The following RIMS1 variants were observed in gnomAD, a reference collection of about 807,000 sequenced individuals.
The protein encoded by RIMS1 is regulating synaptic membrane exocytosis 1, also known as regulating synaptic membrane exocytosis protein 1.
A neutral mutation model predicts 214.1 loss-of-function variants in RIMS1; 83 were observed. The observed-to-expected ratio is 0.39, with a 90% CI of 0.32 to 0.47. The LOEUF (loss-of-function observed/expected upper bound fraction) is 0.47. RIMS1 is among the 20% of genes least tolerant of loss of function. The probability of loss-of-function intolerance (pLI) is 0.99; values close to 1 mark genes in which losing one functional copy is unlikely to be tolerated. For missense variants in RIMS1, 2,050 were observed against 2,161.8 expected (o/e 0.95, Z 1.03); for synonymous variants, 793 against 786.8 (o/e 1.01, Z -0.13).
chr6:71,891,367 CCTT>C (rs1769827462), intron 1 of RIMS1, among the ~76,000 whole-genome samples: 2 of 152,220 alleles, frequency 1.3e-5, no homozygotes, highest in South Asian at 4.1e-4. Context: ...TTGGGCTTCT[CCTT>C]CTCTTCTTAA....
At chr6:71,966,528 TA>T (rs1283448441) in intron 1 of RIMS1, among the ~76,000 whole-genome samples, 11 of 152,318 alleles carry the variant, frequency 7.2e-5, no homozygotes, top group African/African-American at 2.2e-4. Context: ...TATTTTGTTT[TA>T]TTTTTTTATT....
At chr6:72,338,771 C>T (rs1411578496) in intron 29 of RIMS1, among the ~76,000 whole-genome samples, 2 of 151,280 alleles carry the variant, frequency 1.3e-5, no homozygotes, top group Non-Finnish European at 1.5e-5. Context: ...GTAATTTGCC[C>T]AAGGTCTCAT....
intron 2 of RIMS1, among the ~76,000 whole-genome samples, chr6:71,984,175 G>A (rs1799237420): frequency 6.6e-6 from 1 of 152,110 alleles, no homozygotes; most frequent in African/African-American, 2.4e-5. Flanking sequence ...TCTCTAATAT[G>A]TTTCTATCAG....
At position 72,250,474 on chromosome 6, in the gene RIMS1, T is replaced by C. The variant is rs1225901879; in HGVS notation, c.2372+14T>C. The C allele has an allele frequency of 6.6e-7, 1 of 1,520,646 alleles. No individual in the cohort carries two copies. Among genetic ancestry groups the C allele is most frequent in the Non-Finnish European group, 8.9e-7 (1 of 1,125,406 alleles). 94.2% of individuals were successfully genotyped at this position (1,520,646 alleles called of 1,614,324 possible). ...TCCAGATAGAAGGTAGTGAATAATTTTAGAAAAAAAAAATCTTAAAATCTG... is the reference window on the plus strand; with the variant it reads ...TCCAGATAGAAGGTAGTGAATAATTCTAGAAAAAAAAAATCTTAAAATCTG... On this transcript the variant is annotated intron_variant, in intron 13 of 33. Coordinates refer to ENST00000521978, the MANE Select transcript of RIMS1 (RefSeq NM_014989.7).
intron 22 of RIMS1, among the ~76,000 whole-genome samples, chr6:72,270,717 C>T (rs749042077): frequency 2.6e-5 from 4 of 152,134 alleles, no homozygotes; most frequent in Non-Finnish European, 4.4e-5. Context: ...CACTGCTTTA[C>T]AAGTTTGTTT....
chr6:71,901,375 A>G (rs979306872), intron 1 of RIMS1, among the ~76,000 whole-genome samples: 5 of 152,192 alleles, frequency 3.3e-5, no homozygotes, highest in Non-Finnish European at 7.4e-5. Flanking sequence ...GTCCATCAGT[A>G]GAATGAATTT....
chr6:71,992,195 C>T (rs189602886), intron 2 of RIMS1, among the ~76,000 whole-genome samples: 37 of 152,234 alleles, frequency 2.4e-4, no homozygotes, highest in Admixed American at 2.1e-3. Flanking sequence ...GGTTCAGAGA[C>T]GTCACATTAG....
intron 28 of RIMS1, among the ~76,000 whole-genome samples, chr6:72,330,807 T>G (rs925032382): frequency 1.3e-5 from 2 of 151,792 alleles, no homozygotes; most frequent in African/African-American, 2.4e-5. Flanking sequence ...ACTGATTAGA[T>G]TCTATGAACT....
At chr6:71,998,753 A>G (rs1004832998) in intron 2 of RIMS1, among the ~76,000 whole-genome samples, 11 of 152,256 alleles carry the variant, frequency 7.2e-5, no homozygotes, top group East Asian at 5.8e-4. Context: ...ACACTTTCAT[A>G]CTTAAAAAAG....
Position 72,010,764 on chromosome 6 carries a change from C to T in RIMS1, c.245+41701C>T, listed in dbSNP as rs537666614. ...GAGAATAAAATACCTAGGAATCCAA[C>T]TTACAAGGGATGTGAAGGACCTCTT... On this transcript the variant is annotated intron_variant, in intron 2 of 33. Coordinates refer to ENST00000521978, the MANE Select transcript of RIMS1 (RefSeq NM_014989.7). Among the ~76,000 whole-genome samples, 463 of 152,242 alleles carry T rather than the reference C, an allele frequency of 3.0e-3. 5 individuals carry two copies. The highest frequency in any genetic ancestry group is 0.01 in the African/African-American group (434 of 41,548).
chr6:71,968,147 GT>G (rs1480005823), intron 1 of RIMS1, among the ~76,000 whole-genome samples: 3 of 152,312 alleles, frequency 2.0e-5, no homozygotes, highest in African/African-American at 7.2e-5. Context: ...TCAAAGCCAT[GT>G]TTATTTTAAA....
intron 4 of RIMS1, among the ~76,000 whole-genome samples, chr6:72,173,142 C>T (rs1310910636): frequency 6.6e-6 from 1 of 152,148 alleles, no homozygotes; most frequent in Non-Finnish European, 1.5e-5. Context: ...TTCCTGAAGA[C>T]TATTGATAGT....
intron 28 of RIMS1, among the ~76,000 whole-genome samples, chr6:72,329,183 C>T (rs1453728894): frequency 6.6e-6 from 1 of 151,880 alleles, no homozygotes; most frequent in Non-Finnish European, 1.5e-5. Context: ...CCTGCTTGGA[C>T]AACACAGCTA....
At chr6:72,090,205 C>G (rs1324768020) in intron 2 of RIMS1, among the ~76,000 whole-genome samples, 1 of 152,068 alleles carries the variant, frequency 6.6e-6, no homozygotes, top group Admixed American at 6.5e-5. Context: ...TTGGGTCTAG[C>G]TTTGTTGCCC....
intron 4 of RIMS1, among the ~76,000 whole-genome samples, chr6:72,112,941 G>T (rs781244589): frequency 2.4e-4 from 37 of 152,144 alleles, no homozygotes; most frequent in Non-Finnish European, 4.0e-4. Context: ...GTAAGTGTTT[G>T]ACTTCTGAGT....
At chr6:72,272,586 C>T (rs6914066) in intron 22 of RIMS1, among the ~76,000 whole-genome samples, 2,302 of 152,244 alleles carry the variant, frequency 0.015, 24 homozygotes, top group South Asian at 0.027. Context: ...CATCTTTCTC[C>T]TCCACAGCTT....
intron 2 of RIMS1, among the ~76,000 whole-genome samples, chr6:72,062,661 T>C (rs1294938782): frequency 2.0e-5 from 3 of 152,082 alleles, no homozygotes; most frequent in Non-Finnish European, 4.4e-5. Flanking sequence ...TACCAAAAAC[T>C]GGGGGGCTTA....
chr6:71,892,063 G>T (rs962743492), intron 1 of RIMS1, among the ~76,000 whole-genome samples: 7 of 152,084 alleles, frequency 4.6e-5, no homozygotes, highest in African/African-American at 1.7e-4. Context: ...TTTTAGAGTT[G>T]GTCCTGAGAG....
At chr6:72,265,729 A>T (rs2080219864) in intron 21 of RIMS1, among the ~76,000 whole-genome samples, 1 of 152,134 alleles carries the variant, frequency 6.6e-6, no homozygotes, top group African/African-American at 2.4e-5. Context: ...AGACACTTTT[A>T]AAAATTATGC....
Sources: allele counts gnomAD v4.1 joint callset (sites outside exome capture counted in the v4.1 genomes callset), GRCh38; gene constraint gnomAD v4.1.1; transcripts MANE v1.5; gene names NCBI Gene and HGNC (gene_info 2026-07-23, HGNC 2026-07-21).